Variants in ADAM12 observed in about 807,000 individuals in gnomAD.
ADAM12 encodes the protein ADAM metallopeptidase domain 12, also known as disintegrin and metalloproteinase domain-containing protein 12.
A neutral mutation model predicts 106.4 loss-of-function variants in ADAM12; 70 were observed. The ratio of observed to expected loss-of-function variants is 0.66; its 90% CI spans 0.54 to 0.80. ADAM12 has a LOEUF of 0.80. ADAM12 is among the 30% of genes least tolerant of loss of function. The probability of loss-of-function intolerance (pLI) is 0.00; values close to 1 mark genes in which losing one functional copy is unlikely to be tolerated. For synonymous variants in ADAM12, 420 were observed against 433.5 expected (o/e 0.97, Z 0.39); for missense variants, 1,010 against 1,171.9 (o/e 0.86, Z 2.02).
intron 21 of ADAM12, among the ~76,000 whole-genome samples, chr10:126,031,415 G>A (rs1953969316): frequency 6.6e-6 from 1 of 152,208 alleles, no homozygotes; most frequent in Non-Finnish European, 1.5e-5. Context: ...AATTCATTTT[G>A]TTGAACAGTT....
At chr10:126,047,651 C>T (rs970577127) in intron 16 of ADAM12, among the ~76,000 whole-genome samples, 1 of 152,166 alleles carries the variant, frequency 6.6e-6, no homozygotes, top group African/African-American at 2.4e-5. Flanking sequence ...ACAACAGATG[C>T]TGGCAAGGTT....
intron 3 of ADAM12, among the ~76,000 whole-genome samples, chr10:126,262,666 A>G (rs1338420611): frequency 6.6e-6 from 1 of 152,252 alleles, no homozygotes; most frequent in African/African-American, 2.4e-5. Context: ...CTTAAAAAAT[A>G]GGACATAACT....
At chr10:126,351,628 G>A (rs1855363610) in intron 1 of ADAM12, among the ~76,000 whole-genome samples, 1 of 152,172 alleles carries the variant, frequency 6.6e-6, no homozygotes, top group South Asian at 2.1e-4. Flanking sequence ...ATGCTGAATA[G>A]ATGTGATAGA....
intron 1 of ADAM12, among the ~76,000 whole-genome samples, chr10:126,341,439 C>A (rs758105074): frequency 1.3e-5 from 2 of 152,198 alleles, no homozygotes; most frequent in Non-Finnish European, 2.9e-5. Context: ...CTCATGGACA[C>A]TCTGATGAGT....
At chr10:126,110,976 C>G (rs1299833569) in intron 6 of ADAM12, among the ~76,000 whole-genome samples, 1 of 152,134 alleles carries the variant, frequency 6.6e-6, no homozygotes, top group Non-Finnish European at 1.5e-5. Context: ...CTCTTTCAGA[C>G]AAAAGCAAAA....
chr10:126,332,540 G>T (rs1172760476), intron 1 of ADAM12, among the ~76,000 whole-genome samples: 1 of 152,128 alleles, frequency 6.6e-6, no homozygotes, highest in Admixed American at 6.5e-5. Flanking sequence ...AAAAAATTAA[G>T]AAGAAAAACA....
intron 19 of ADAM12, 122 bp downstream of exon 19, chr10:126,039,172 C>T: frequency 4.1e-6 from 5 of 1,213,384 alleles, no homozygotes; most frequent in Non-Finnish European, 5.7e-6. Flanking sequence ...TGGTCTCGAT[C>T]TCCTGACCTC....
chr10:126,055,413 A>G (rs1319885011), intron 14 of ADAM12, among the ~76,000 whole-genome samples: 1 of 152,240 alleles, frequency 6.6e-6, no homozygotes, highest in African/African-American at 2.4e-5. Context: ...ACTTTAAATG[A>G]ACGATACATT....
intron 21 of ADAM12, among the ~76,000 whole-genome samples, chr10:126,023,638 T>G (rs1049478977): frequency 3.3e-5 from 5 of 152,332 alleles, no homozygotes; most frequent in Admixed American, 2.6e-4. Flanking sequence ...AAATACATAC[T>G]ATAATCTATC....
In ADAM12 at chr10:126,252,284, T is replaced by G. The variant is rs375338273; in HGVS notation, c.260+26631A>C. Among the ~76,000 whole-genome samples, 271 of 150,676 alleles carry G rather than the reference T, an allele frequency of 1.8e-3. 1 individual carries two copies. In the South Asian group the frequency reaches 0.018, roughly 10 times the overall value. ...TGGATGTATTGGAGAATGGATTAGATAGATGGATGGAATGGATGGGATGGA... is the reference window on the plus strand; with the variant it reads ...TGGATGTATTGGAGAATGGATTAGAGAGATGGATGGAATGGATGGGATGGA... On this transcript the variant is annotated intron_variant, in intron 3 of 22. Transcript: ENST00000448723.
At chr10:126,279,737 A>G (rs1959470059) in intron 2 of ADAM12, among the ~76,000 whole-genome samples, 1 of 151,880 alleles carries the variant, frequency 6.6e-6, no homozygotes, top group African/African-American at 2.4e-5. Context: ...CAAAAAAACA[A>G]AAAAAGAAGA....
At chr10:126,025,384 G>A (rs1445392881) in intron 21 of ADAM12, among the ~76,000 whole-genome samples, 3 of 152,068 alleles carry the variant, frequency 2.0e-5, no homozygotes, top group South Asian at 2.1e-4. Context: ...CACACTATAC[G>A]AACTTCACAA....
intron 22 of ADAM12, among the ~76,000 whole-genome samples, chr10:126,018,082 C>T (rs147954339): frequency 6.6e-6 from 1 of 152,180 alleles, no homozygotes; most frequent in Non-Finnish European, 1.5e-5. Context: ...ACCCTTTGAC[C>T]GCCTTTATCT....
intron 1 of ADAM12, among the ~76,000 whole-genome samples, chr10:126,363,009 C>T (rs1401991620): frequency 6.6e-6 from 1 of 152,020 alleles, no homozygotes; most frequent in Non-Finnish European, 1.5e-5. Context: ...TTTAATTATT[C>T]CATGTTGTAT....
rs374529217 is a variant in ADAM12 at position 126,094,024 on chromosome 10, G to A, written c.1106C>T (p.Ala369Val). 1.5e-5 allele frequency: 24 copies of A among 1,613,990 alleles called. No homozygotes were observed. The East Asian group carries it at 2.2e-4, about 15-fold the overall frequency. ...CATGATGCAGCCTCCTTTCTCAACCGCCATTTGACAGCTACAGCCCCTGTC... is the reference window on the plus strand; with the variant it reads ...CATGATGCAGCCTCCTTTCTCAACCACCATTTGACAGCTACAGCCCCTGTC... ...TLDRGCSCQM[A>V]VEKGGCIMNA... is the part of the protein sequence containing the mutation. The change falls in exon 11 of 23, where the codon GCG becomes GTG. Residue 369 changes from alanine to valine, a missense_variant. By Grantham distance (64) the Ala-to-Val change is moderately conservative. Around this residue, in one of 3 missense-constraint regions of ADAM12, gnomAD observed 615 missense variants for 708.5 expected, o/e 0.87. Transcript: ENST00000448723.
intron 3 of ADAM12, among the ~76,000 whole-genome samples, chr10:126,253,912 T>C (rs1343475547): frequency 6.6e-6 from 1 of 152,142 alleles, no homozygotes; most frequent in Non-Finnish European, 1.5e-5. Context: ...CCATGCCCCA[T>C]CCTGTACCTG....
intron 3 of ADAM12, among the ~76,000 whole-genome samples, chr10:126,201,636 T>C (rs969398558): frequency 2.6e-5 from 4 of 151,948 alleles, no homozygotes; most frequent in Non-Finnish European, 4.4e-5. Flanking sequence ...CCCTGGGAGA[T>C]GGGGAACTGG....
chr10:126,116,745 G>A (rs1955990535), intron 6 of ADAM12, among the ~76,000 whole-genome samples: 1 of 152,046 alleles, frequency 6.6e-6, no homozygotes, highest in African/African-American at 2.4e-5. Flanking sequence ...TGGACTGAAA[G>A]AATGAATGTA....
chr10:126,029,870 A>G (rs963167865), intron 21 of ADAM12, among the ~76,000 whole-genome samples: 1 of 152,234 alleles, frequency 6.6e-6, no homozygotes, highest in Non-Finnish European at 1.5e-5. Context: ...ACCTCCGAAC[A>G]CACTGTGTTG....
Sources: gnomAD v4.1 joint callset for allele counts (sites outside exome capture counted in the v4.1 genomes callset) on GRCh38, gnomAD v4.1.1 for gene constraint, gnomAD v4.1.1 regional missense constraint, MANE v1.5 for transcripts, NCBI Gene and HGNC (gene_info 2026-07-23, HGNC 2026-07-21) for gene names.